NBEA: variants seen among roughly 807,000 people sequenced by gnomAD.
NBEA encodes lysosomal-trafficking regulator 2.
A neutral mutation model predicts 343.4 loss-of-function variants in NBEA; 44 were observed. That is an observed-to-expected ratio of 0.13 (90% CI 0.10 to 0.16). The LOEUF is 0.16. Ranked by LOEUF, NBEA falls within the 10% of genes least tolerant of loss-of-function variation. The pLI is 1.00. For missense variants in NBEA, 2,555 were observed against 3,631.3 expected, an observed-to-expected ratio of 0.70 and a Z score of 7.62; for synonymous variants, 1,175 against 1,238.7, an observed-to-expected ratio of 0.95 and a Z score of 1.08.
At chr13:35,308,277 A>G (rs1863580090) in intron 35 of NBEA, among the ~76,000 whole-genome samples, 1 of 151,248 alleles carries the variant, frequency 6.6e-6, no homozygotes, top group African/African-American at 2.4e-5. Flanking sequence ...TGTACAACCA[A>G]CACCTTATTA....
At chr13:35,475,141 G>A in intron 41 of NBEA, 1 of 1,614,126 alleles carries the variant, frequency 6.2e-7, no homozygotes, top group Non-Finnish European at 8.5e-7. Context: ...TTCCAGAGCT[G>A]AGTGAGGTTT....
intron 1 of NBEA, among the ~76,000 whole-genome samples, chr13:34,961,276 GAAAA>G (rs943133675): frequency 7.9e-5 from 12 of 151,904 alleles, no homozygotes; most frequent in Non-Finnish European, 1.3e-4. Context: ...TTATTCCTGA[GAAAA>G]AACCACAAGT....
At chr13:35,514,424 G>A (rs2077403495) in intron 41 of NBEA, among the ~76,000 whole-genome samples, 1 of 152,084 alleles carries the variant, frequency 6.6e-6, no homozygotes, top group Non-Finnish European at 1.5e-5. Flanking sequence ...CGACCAGCTT[G>A]TCATGTGTTG....
At chr13:35,165,341 C>T (rs1009207148) in intron 24 of NBEA, among the ~76,000 whole-genome samples, 9 of 152,170 alleles carry the variant, frequency 5.9e-5, no homozygotes, top group Non-Finnish European at 1.0e-4. Context: ...AGGCTATATC[C>T]TCACACACTT....
chr13:35,669,629 A>G (rs918494825), intron 58 of NBEA, among the ~76,000 whole-genome samples: 5 of 152,214 alleles, frequency 3.3e-5, no homozygotes, highest in African/African-American at 2.4e-5. Flanking sequence ...TACTATTTGT[A>G]TATATGTGTG....
intron 45 of NBEA, among the ~76,000 whole-genome samples, chr13:35,576,694 A>G (rs1284783595): frequency 1.3e-5 from 2 of 152,208 alleles, no homozygotes; most frequent in Non-Finnish European, 2.9e-5. Context: ...TCTTCAAAAA[A>G]TAAATTATAC....
chr13:35,211,426 T>C (rs2073762970), intron 33 of NBEA, among the ~76,000 whole-genome samples: 1 of 152,198 alleles, frequency 6.6e-6, no homozygotes, highest in Non-Finnish European at 1.5e-5. Flanking sequence ...CACTGTCATT[T>C]AGTGCATGTT....
At chr13:34,960,752 G>A (rs568945116) in intron 1 of NBEA, among the ~76,000 whole-genome samples, 121 of 152,096 alleles carry the variant, frequency 8.0e-4, no homozygotes, top group Non-Finnish European at 1.4e-3. Flanking sequence ...TATGTGGGCT[G>A]TTCCATCTAA....
intron 41 of NBEA, among the ~76,000 whole-genome samples, chr13:35,519,362 T>G (rs906035184): frequency 1.3e-5 from 2 of 152,210 alleles, no homozygotes. Context: ...ATGATTCTAA[T>G]TTTATGTTTC....
chr13:35,278,120 A>G (rs865905331), intron 34 of NBEA, among the ~76,000 whole-genome samples: 16 of 148,110 alleles, frequency 1.1e-4, no homozygotes, highest in African/African-American at 3.7e-4. Flanking sequence ...ATATATATAT[A>G]TACATAAAAT....
chr13:35,064,080 C>T (rs2063560428), intron 8 of NBEA, among the ~76,000 whole-genome samples: 2 of 151,942 alleles, frequency 1.3e-5, no homozygotes, highest in Non-Finnish European at 2.9e-5. Flanking sequence ...GCCTGATAGA[C>T]ATCTAAATGT....
chr13:35,201,872 G>T (rs2073046771), intron 31 of NBEA, among the ~76,000 whole-genome samples: 1 of 151,926 alleles, frequency 6.6e-6, no homozygotes, highest in African/African-American at 2.4e-5. Flanking sequence ...GATTCTTTCT[G>T]TTACCTCCTA....
chr13:35,189,824 A>C (rs2072039278), intron 30 of NBEA, among the ~76,000 whole-genome samples: 1 of 152,118 alleles, frequency 6.6e-6, no homozygotes, highest in Non-Finnish European at 1.5e-5. Flanking sequence ...CAACTTTTTC[A>C]GTTCTTTGGA....
At position 35,560,706 on chromosome 13, in the gene NBEA, G is replaced by A. The variant is rs117604241; in HGVS notation, c.6922+5604G>A. Among the ~76,000 whole-genome samples, 74 of 152,256 alleles carry A rather than the reference G, an allele frequency of 4.9e-4. 1 individual carries two copies. The East Asian group carries it at 0.013, about 26-fold the overall frequency. ...CAAAGTTGTCTTGGCTTGAGGCAAG[G>A]GAGCCAGGTCTTCATTACCTCCACT... On this transcript the variant is annotated intron_variant, in intron 44 of 58. Coordinates refer to ENST00000379939, the MANE Select transcript of NBEA (RefSeq NM_001385012.1).
intron 10 of NBEA, among the ~76,000 whole-genome samples, chr13:35,078,040 G>A (rs1334052702): frequency 6.6e-6 from 1 of 152,144 alleles, no homozygotes; most frequent in African/African-American, 2.4e-5. Context: ...CATTTAAGGT[G>A]TCTTGGAGTC....
At chr13:35,458,431 G>A (rs1048519583) in intron 40 of NBEA, among the ~76,000 whole-genome samples, 3 of 152,140 alleles carry the variant, frequency 2.0e-5, no homozygotes, top group Non-Finnish European at 2.9e-5. Flanking sequence ...TGCCCTCAAA[G>A]GTTCCCACTT....
intron 36 of NBEA, among the ~76,000 whole-genome samples, chr13:35,331,545 T>C (rs2038927369): frequency 6.6e-6 from 1 of 152,070 alleles, no homozygotes; most frequent in Non-Finnish European, 1.5e-5. Context: ...GCCTTTTCTA[T>C]TGATGTATTT....
intron 45 of NBEA, among the ~76,000 whole-genome samples, chr13:35,576,422 T>C (rs1384294379): frequency 1.3e-5 from 2 of 152,096 alleles, no homozygotes; most frequent in East Asian, 1.9e-4. Context: ...TGGCCAATAA[T>C]AGAAATTTAT....
At chr13:35,160,974 A>C (rs142268249) in intron 22 of NBEA, among the ~76,000 whole-genome samples, 1 of 152,322 alleles carries the variant, frequency 6.6e-6, no homozygotes, top group East Asian at 1.9e-4. Context: ...TACTATGAAG[A>C]GTAAACCATG....
Sources: allele counts gnomAD v4.1 joint callset (sites outside exome capture counted in the v4.1 genomes callset), GRCh38; gene constraint gnomAD v4.1.1; transcripts MANE v1.5; gene names NCBI Gene and HGNC (gene_info 2026-07-23, HGNC 2026-07-21).